The following MKLN1 variants were observed in gnomAD, a reference collection of about 807,000 sequenced individuals.
MKLN1 encodes the protein muskelin.
A neutral mutation model predicts 99.0 loss-of-function variants in MKLN1; 18 were observed. That is an observed-to-expected ratio of 0.18 (90% confidence interval 0.13 to 0.27). The LOEUF (loss-of-function observed/expected upper bound fraction) is 0.27, where lower values mean the gene tolerates loss of function less well. MKLN1 is among the 10% of genes least tolerant of loss of function. The probability of loss-of-function intolerance (pLI) is 1.00; values close to 1 mark genes in which losing one functional copy is unlikely to be tolerated. For missense variants in MKLN1, 621 were observed against 875.9 expected (o/e 0.71, Z 3.67); for synonymous variants, 288 against 293.2 (o/e 0.98, Z 0.18).
chr7:131,302,426 C>T (rs949703937), intron 3 of MKLN1, among the ~76,000 whole-genome samples: 4 of 152,222 alleles, frequency 2.6e-5, no homozygotes, highest in Non-Finnish European at 1.5e-5. Context: ...AAGATCTTGA[C>T]TTAACATTTC....
Position 131,430,471 on chromosome 7 carries a change from A to G in MKLN1, c.960+1326A>G, listed in dbSNP as rs183094401. Among the ~76,000 whole-genome samples, 425 of 152,198 alleles carry G rather than the reference A, an allele frequency of 2.8e-3. 1 individual carries two copies. The highest frequency in any genetic ancestry group is 9.8e-3 in the African/African-American group (409 of 41,524). On this transcript the variant is annotated intron_variant, in intron 9 of 17. Transcript: ENST00000352689. ...AGACAAATCTTAAATTAAAAAAAAA[A>G]CTAACTTTTTTCTACTAAAGTATTG...
chr7:131,278,682 T>C (rs1204967695), intron 3 of MKLN1, among the ~76,000 whole-genome samples: 1 of 152,096 alleles, frequency 6.6e-6, no homozygotes, highest in Non-Finnish European at 1.5e-5. Context: ...AGCCTCGAAC[T>C]CCTGGCCTCA....
intron 2 of MKLN1, among the ~76,000 whole-genome samples, chr7:131,146,889 G>T (rs1178448799): frequency 6.6e-6 from 1 of 152,094 alleles, no homozygotes; most frequent in Admixed American, 6.6e-5. Flanking sequence ...GCTGTCAGTG[G>T]GGGAGAAGAC....
intron 3 of MKLN1, among the ~76,000 whole-genome samples, chr7:131,307,046 G>C (rs896262945): frequency 6.6e-6 from 1 of 152,074 alleles, no homozygotes; most frequent in Non-Finnish European, 1.5e-5. Flanking sequence ...ACAGTTGGGG[G>C]ATGCAGGATG....
At position 131,414,670 on chromosome 7, in the gene MKLN1, A is replaced by G; in HGVS notation, c.807A>G (p.Gly269=). 6.2e-7 allele frequency: 1 copy of G among 1,609,774 alleles called. No homozygotes were observed. The highest frequency in any genetic ancestry group is 8.5e-7 in the Non-Finnish European group (1 of 1,177,714). ...GTGATGGGGAAGATAACCGTCCAGG[A>G]ATGAGAGGAGGCCATCAGATGGTTA... is the stretch of plus-strand genomic sequence containing the variant. ...TKGDGEDNRP[G]MRGGHQMVID... is the part of the protein sequence containing the mutation. The change falls in exon 8 of 18, where the codon GGA becomes GGG. Residue 269 remains glycine (G), a synonymous_variant. Transcript: ENST00000352689.
chr7:131,370,057 C>G (rs1302701650), intron 1 of MKLN1, among the ~76,000 whole-genome samples: 1 of 152,180 alleles, frequency 6.6e-6, no homozygotes, highest in East Asian at 1.9e-4. Context: ...AGGCTGGTCT[C>G]AAACTCCTGA....
In MKLN1 at chr7:131,132,647, G is replaced by A. The variant is rs116978835; in HGVS notation, c.-418-10173G>A. ...GCCAATAAATGAAAAACCAAAGGCC[G>A]GGCGCGGTGGCTCACACCTGTAATC... On this transcript the variant is annotated intron_variant, in intron 1 of 7. Transcript: ENST00000416992. Among the ~76,000 whole-genome samples, 4 of 152,214 alleles carry A rather than the reference G, an allele frequency of 2.6e-5. No homozygotes were observed. In the East Asian group the frequency reaches 5.8e-4, roughly 22 times the overall value.
At chr7:131,270,010 G>A (rs903806506) in intron 3 of MKLN1, among the ~76,000 whole-genome samples, 1 of 151,842 alleles carries the variant, frequency 6.6e-6, no homozygotes, top group African/African-American at 2.4e-5. Context: ...TGCAACCTCC[G>A]CTTCCCAGGT....
intron 3 of MKLN1, among the ~76,000 whole-genome samples, chr7:131,257,928 C>T (rs1369786613): frequency 4.0e-5 from 6 of 151,802 alleles, no homozygotes; most frequent in African/African-American, 7.3e-5. Context: ...GAGACCAGCC[C>T]GGGCAACATA....
At chr7:131,296,671 T>C (rs933270495) in intron 3 of MKLN1, among the ~76,000 whole-genome samples, 5 of 152,226 alleles carry the variant, frequency 3.3e-5, no homozygotes, top group Non-Finnish European at 5.9e-5. Flanking sequence ...TGAGGATTGC[T>C]TGATGCCAGG....
intron 3 of MKLN1, among the ~76,000 whole-genome samples, chr7:131,283,936 G>A (rs1297388646): frequency 1.3e-5 from 2 of 152,122 alleles, no homozygotes; most frequent in Non-Finnish European, 2.9e-5. Context: ...TGTGGTACTT[G>A]TAGAGCTAAT....
intron 1 of MKLN1, among the ~76,000 whole-genome samples, chr7:131,350,143 T>C (rs1483975236): frequency 1.3e-5 from 2 of 152,190 alleles, no homozygotes; most frequent in South Asian, 2.1e-4. Context: ...ATATAAGTTA[T>C]GTTATTTTAT....
chr7:131,282,169 G>T (rs1239272397), intron 3 of MKLN1, among the ~76,000 whole-genome samples: 1 of 151,994 alleles, frequency 6.6e-6, no homozygotes, highest in Non-Finnish European at 1.5e-5. Flanking sequence ...GACCAACATG[G>T]AGAAACTTCA....
intron 12 of MKLN1, among the ~76,000 whole-genome samples, chr7:131,452,590 C>T (rs1216967052): frequency 3.4e-5 from 4 of 116,454 alleles, no homozygotes; most frequent in East Asian, 2.6e-4. Flanking sequence ...CCCGCCCTGT[C>T]GCCAGGCTGG....
chr7:131,425,298 T>G (rs1430382343), intron 8 of MKLN1, among the ~76,000 whole-genome samples: 1 of 152,118 alleles, frequency 6.6e-6, no homozygotes, highest in East Asian at 1.9e-4. Context: ...CCCTCTTTTT[T>G]TTTTGTTCTG....
At chr7:131,141,120 T>G (rs550347172) in intron 1 of MKLN1, among the ~76,000 whole-genome samples, 1 of 152,066 alleles carries the variant, frequency 6.6e-6, no homozygotes, top group Non-Finnish European at 1.5e-5. Context: ...TGTTATTCTG[T>G]CTTCTCTCTT....
At chr7:131,248,069 CATTTATT>C (rs145386929) in intron 3 of MKLN1, among the ~76,000 whole-genome samples, 21,299 of 129,310 alleles carry the variant, frequency 0.16, 1,551 homozygotes, top group African/African-American at 0.24. Context: ...CAGCTAATTA[CATTTATT>C]ATTTATTTAT....
intron 1 of MKLN1, among the ~76,000 whole-genome samples, chr7:131,344,630 T>C (rs1799501041): frequency 6.6e-6 from 1 of 152,214 alleles, no homozygotes; most frequent in African/African-American, 2.4e-5. Flanking sequence ...TTTCCTAAAA[T>C]TGATCTGCCT....
At chr7:131,404,151 T>G (rs1227536732) in intron 6 of MKLN1, among the ~76,000 whole-genome samples, 3 of 152,210 alleles carry the variant, frequency 2.0e-5, no homozygotes, top group Non-Finnish European at 4.4e-5. Context: ...TGTAAGATAT[T>G]GGTCTGCAGT....
Sources: allele counts gnomAD v4.1 joint callset (sites outside exome capture counted in the v4.1 genomes callset), GRCh38; gene constraint gnomAD v4.1.1; transcripts MANE v1.5; gene names NCBI Gene and HGNC (gene_info 2026-07-23, HGNC 2026-07-21).